SYNE3: variants seen among roughly 807,000 people sequenced by gnomAD.
SYNE3 encodes nesprin-3.
SYNE3 carries 100 observed loss-of-function variants against 111.2 expected under a neutral mutation model. The ratio of observed to expected loss-of-function variants is 0.90; its 90% CI spans 0.77 to 1.06. The LOEUF is 1.06. Ranked by LOEUF, SYNE3 falls within the 50% of genes least tolerant of loss-of-function variation. The pLI is 0.00. For missense variants in SYNE3, 1,160 were observed against 1,240.3 expected (o/e 0.94, Z 0.97); for synonymous variants, 547 against 533.9 (o/e 1.02, Z -0.34).
intron 1 of SYNE3, among the ~76,000 whole-genome samples, chr14:95,513,524 C>T (rs568036396): frequency 1.6e-3 from 239 of 152,054 alleles, no homozygotes; most frequent in Non-Finnish European, 2.5e-3. Flanking sequence ...CAATTATCTT[C>T]GCAGCAACCC....
intron 1 of SYNE3, among the ~76,000 whole-genome samples, chr14:95,476,699 A>G (rs1310945002): frequency 2.6e-5 from 4 of 152,272 alleles, no homozygotes; most frequent in Admixed American, 6.5e-5. Context: ...GCTTTGAACT[A>G]AAGTTATTTG....
intron 1 of SYNE3, among the ~76,000 whole-genome samples, chr14:95,483,410 C>T (rs1305392793): frequency 2.0e-5 from 3 of 152,192 alleles, no homozygotes; most frequent in Non-Finnish European, 4.4e-5. Flanking sequence ...CTGCCACACA[C>T]ATTCCCACCC....
chr14:95,441,908 C>T (rs540017378), intron 11 of SYNE3, among the ~76,000 whole-genome samples: 66 of 152,288 alleles, frequency 4.3e-4, no homozygotes, highest in African/African-American at 1.6e-3. Context: ...GATGGGTGCT[C>T]GCATTCCACC....
intron 1 of SYNE3, among the ~76,000 whole-genome samples, chr14:95,501,719 G>C (rs1890342896): frequency 7.2e-6 from 1 of 139,652 alleles, no homozygotes. Flanking sequence ...CAGGAGGGAA[G>C]GGCATGGGGG....
rs2368583 is a variant in SYNE3, at chr14:95,411,303, C to G, written c.*6523G>C. ...AAATGATTTTTTGATTGGGAACATC[C>G]TAATTTTAACATAAATTCAAAAAAA... On this transcript the variant is annotated 3_prime_UTR_variant, in exon 18 of 18. Coordinates refer to ENST00000682763, the MANE Select transcript of SYNE3 (RefSeq NM_152592.6). 3.3e-5 allele frequency: 1 copy of G among 30,038 alleles called. No individual in the cohort carries two copies. Among genetic ancestry groups the G allele is most frequent in the East Asian group, 3.6e-3 (1 of 274 alleles). The allele number at this position is 30,038 out of a possible 1,614,324, so 1.9% of individuals were successfully genotyped here. A position where few individuals can be genotyped will look rare whatever the true frequency, so the allele number is the denominator to read the frequency against.
rs202061642 is a variant in SYNE3, at chr14:95,452,278, T to A, written c.1243A>T (p.Ser415Cys). 3 of 1,613,552 alleles carry A rather than the reference T, an allele frequency of 1.9e-6. No individual in the cohort carries two copies. The highest frequency in any genetic ancestry group is 2.5e-6 in the Non-Finnish European group (3 of 1,179,698). The change falls in exon 7 of 18, where the codon AGT (serine) becomes TGT (cysteine). Residue 415 changes from serine (S) to cysteine (C), a missense_variant. Transcript: ENST00000682763. ...TACTCCTGGATGGTAGCGATGACAC[T>A]ATCAGAGAGTGGCTTCAGGTTGTGA... ...FPHNLKPLSD[S>C]VIATIQEYQS... is the part of the protein sequence containing the mutation.
chr14:95,459,867 G>T (rs1266938449), intron 4 of SYNE3, among the ~76,000 whole-genome samples: 1 of 152,124 alleles, frequency 6.6e-6, no homozygotes. Context: ...GGAGGTGGAG[G>T]CAGGAGGATT....
chr14:95,419,338 C>G (rs1026222778), intron 17 of SYNE3, among the ~76,000 whole-genome samples: 1 of 152,160 alleles, frequency 6.6e-6, no homozygotes, highest in Admixed American at 6.5e-5. Flanking sequence ...AAATGGGGAT[C>G]AAACACCTAC....
chr14:95,465,787 G>T, intron 4 of SYNE3, 144 bp downstream of exon 4: 1 of 912,240 alleles, frequency 1.1e-6, no homozygotes, highest in Non-Finnish European at 1.6e-6. Context: ...TAGTGAACAG[G>T]TGAGTAGATG....
chr14:95,428,651 G>A (rs1464823154), intron 17 of SYNE3, among the ~76,000 whole-genome samples: 1 of 152,156 alleles, frequency 6.6e-6, no homozygotes, highest in African/African-American at 2.4e-5. Context: ...GGGCTATGCC[G>A]CTTCCCTGGG....
In SYNE3 at chr14:95,413,047, C is replaced by T. The variant is rs1256088425; in HGVS notation, c.*4779G>A. ...CTCAAGTTGTTCCCTCGTATTGTTTCACTTGCCTTTGGTCAGTGAAAGCTT... is the reference window on the plus strand; with the variant it reads ...CTCAAGTTGTTCCCTCGTATTGTTTTACTTGCCTTTGGTCAGTGAAAGCTT... On this transcript the variant is annotated 3_prime_UTR_variant, in exon 18 of 18. Transcript: ENST00000682763. 2 of 152,196 alleles carry T rather than the reference C, an allele frequency of 1.3e-5. No homozygotes were observed. The allele number at this position is 152,196 out of a possible 1,614,324, so 9.4% of individuals were successfully genotyped here.
Position 95,417,909 on chromosome 14 carries a change from C to A in SYNE3, c.2845G>T (p.Glu949Ter). 1 of 1,614,210 alleles carries A rather than the reference C, an allele frequency of 6.2e-7. No individual in the cohort carries two copies. The highest frequency in any genetic ancestry group is 8.5e-7 in the Non-Finnish European group (1 of 1,180,036). Residue 949 changes from glutamate (E) to a stop codon, truncating the protein, a stop_gained, in exon 18 of 18, where the codon GAG becomes TAG. Transcript: ENST00000682763. LOFTEE classifies it high-confidence loss of function. Reference sequence around the variant, plus strand: ...TTGGCCAGGGTGCAGCTGCGGTCCTCTTCCCTGATTGGGAGCAGGAACAGC... The same window carrying A: ...TTGGCCAGGGTGCAGCTGCGGTCCTATTCCCTGATTGGGAGCAGGAACAGC... ...LLLFLLPIREEDRSCTLANNF... is the reference protein window; with the variant it reads ...LLLFLLPIRE
chr14:95,432,267 C>T (rs553295123), intron 16 of SYNE3, 150 bp from the exon 17 acceptor site: 1 of 893,676 alleles, frequency 1.1e-6, no homozygotes, highest in African/African-American at 1.7e-5. Flanking sequence ...CCTGAGCCAG[C>T]AGATGATTCG....
intron 1 of SYNE3, among the ~76,000 whole-genome samples, chr14:95,497,460 A>C (rs1246405956): frequency 6.6e-6 from 1 of 152,236 alleles, no homozygotes; most frequent in East Asian, 1.9e-4. Flanking sequence ...GGGAGAAAAA[A>C]AAAGATGCAA....
intron 1 of SYNE3, among the ~76,000 whole-genome samples, chr14:95,483,115 G>T (rs934529099): frequency 5.3e-5 from 8 of 152,202 alleles, no homozygotes; most frequent in African/African-American, 1.9e-4. Flanking sequence ...GAGCCCCCCA[G>T]CTGCCAGGCA....
intron 1 of SYNE3, among the ~76,000 whole-genome samples, chr14:95,479,531 T>C (rs1379382997): frequency 6.6e-6 from 1 of 152,028 alleles, no homozygotes; most frequent in Non-Finnish European, 1.5e-5. Context: ...TGGGGGAGCA[T>C]AGGAACTGGG....
Position 95,417,962 on chromosome 14 carries a change from TG to T in SYNE3, c.2791del (p.Gln931SerfsTer116). 6.2e-7 allele frequency: 1 copy of T among 1,613,450 alleles called. No individual in the cohort carries two copies. Among genetic ancestry groups the T allele is most frequent in the Non-Finnish European group, 8.5e-7 (1 of 1,179,970 alleles). On this transcript the variant is annotated frameshift_variant, in exon 18 of 18. Coordinates refer to ENST00000682763, the MANE Select transcript of SYNE3 (RefSeq NM_152592.6). LOFTEE classifies it low-confidence loss of function (END_TRUNC). The stretch of plus-strand genomic sequence containing the variant: ...GAGGAGGAACAGCAGCAGAAGCAGC[TG>T]CAGTGGGAGCGCCACACAGCACGCC... ...RRACCVALPL[Q>X]LLLLLFLLLL...
chr14:95,493,169 G>T (rs935266364), intron 1 of SYNE3, among the ~76,000 whole-genome samples: 13 of 152,088 alleles, frequency 8.5e-5, no homozygotes, highest in African/African-American at 1.4e-4. Flanking sequence ...TATAAATGGG[G>T]TGCCAATGTA....
At chr14:95,495,144 A>G (rs1595255575) in intron 1 of SYNE3, among the ~76,000 whole-genome samples, 1 of 152,110 alleles carries the variant, frequency 6.6e-6, no homozygotes, top group African/African-American at 2.4e-5. Context: ...AAAGAAAGAA[A>G]AAAAAGGCCA....
Sources: gnomAD v4.1 joint callset for allele counts (sites outside exome capture counted in the v4.1 genomes callset) on GRCh38, gnomAD v4.1.1 for gene constraint, MANE v1.5 for transcripts, NCBI Gene and HGNC (gene_info 2026-07-23, HGNC 2026-07-21) for gene names.